NRG3: variants seen among roughly 807,000 people sequenced by gnomAD.
NRG3 encodes the protein pro-neuregulin-3, membrane-bound isoform.
Under a neutral mutation model 66.9 loss-of-function variants are expected in NRG3, and 31 were observed. The observed-to-expected ratio is 0.46, with a 90% CI of 0.35 to 0.63. NRG3 has a LOEUF of 0.63. Ranked by LOEUF, NRG3 falls within the 20% of genes least tolerant of loss-of-function variation. The probability of loss-of-function intolerance (pLI) is 0.00; values close to 1 mark genes in which losing one functional copy is unlikely to be tolerated. For synonymous variants in NRG3, 393 were observed against 359.4 expected, an observed-to-expected ratio of 1.09 and a Z score of -1.06; for missense variants, 910 against 878.9, an observed-to-expected ratio of 1.04 and a Z score of -0.45.
intron 2 of NRG3, among the ~76,000 whole-genome samples, chr10:82,640,684 ATATAAT>A (rs1159088408): frequency 5.3e-5 from 8 of 152,206 alleles, no homozygotes; most frequent in Non-Finnish European, 1.0e-4. Context: ...AAAGTGCTAA[ATATAAT>A]TATTATTAAA....
chr10:82,843,757 T>A (rs4933273), intron 3 of NRG3, among the ~76,000 whole-genome samples: 1 of 152,100 alleles, frequency 6.6e-6, no homozygotes, highest in African/African-American at 2.4e-5. Flanking sequence ...TTTAAAAAAA[T>A]TGGAAAACAT....
intron 3 of NRG3, among the ~76,000 whole-genome samples, chr10:82,838,454 A>G (rs2062887994): frequency 6.6e-6 from 1 of 152,168 alleles, no homozygotes; most frequent in African/African-American, 2.4e-5. Flanking sequence ...TTTCACATAG[A>G]GAAGTTTAAT....
intron 1 of NRG3, among the ~76,000 whole-genome samples, chr10:82,050,137 T>G (rs956426010): frequency 2.0e-5 from 3 of 150,162 alleles, no homozygotes; most frequent in Admixed American, 6.7e-5. Flanking sequence ...AACTGCACTT[T>G]GTGTTCAAGG....
intron 2 of NRG3, among the ~76,000 whole-genome samples, chr10:82,473,611 T>C (rs1841478206): frequency 6.6e-6 from 1 of 152,302 alleles, no homozygotes; most frequent in Middle Eastern, 3.4e-3. Flanking sequence ...GGGAGCTTTG[T>C]GGCATTTTCA....
At chr10:82,928,006 T>C (rs571150663) in intron 4 of NRG3, among the ~76,000 whole-genome samples, 1 of 152,326 alleles carries the variant, frequency 6.6e-6, no homozygotes, top group African/African-American at 2.4e-5. Context: ...CCAGCATCTG[T>C]TGTTTCCTAA....
intron 2 of NRG3, among the ~76,000 whole-genome samples, chr10:82,470,995 C>T (rs912953344): frequency 2.0e-5 from 3 of 152,122 alleles, no homozygotes; most frequent in African/African-American, 2.4e-5. Context: ...TTGATGGTCC[C>T]TGCACCTCTC....
intron 3 of NRG3, among the ~76,000 whole-genome samples, chr10:82,751,305 C>T (rs1420325656): frequency 1.3e-5 from 2 of 152,184 alleles, no homozygotes; most frequent in Non-Finnish European, 2.9e-5. Context: ...TAGATTCCCA[C>T]TGTGCTTTAA....
chr10:82,042,189 A>G (rs1391569850), intron 1 of NRG3, among the ~76,000 whole-genome samples: 1 of 152,168 alleles, frequency 6.6e-6, no homozygotes, highest in East Asian at 1.9e-4. Flanking sequence ...AGAGAACAGA[A>G]TTTTTTTAAA....
chr10:81,983,344 A>G (rs992933903), intron 1 of NRG3, among the ~76,000 whole-genome samples: 4 of 152,222 alleles, frequency 2.6e-5, no homozygotes, highest in East Asian at 1.9e-4. Flanking sequence ...GCCTTACGCA[A>G]TGGTGTTCAC....
intron 5 of NRG3, 37 bp from the exon 6 acceptor site, chr10:82,958,912 C>A: frequency 6.6e-7 from 1 of 1,506,734 alleles, no homozygotes; most frequent in South Asian, 1.4e-5. Context: ...TGAATAAAGT[C>A]ATGCAAATAT....
At chr10:82,526,969 A>G (rs1846762391) in intron 2 of NRG3, among the ~76,000 whole-genome samples, 1 of 152,106 alleles carries the variant, frequency 6.6e-6, no homozygotes. Context: ...GATAATATCT[A>G]TTGATAGTAT....
chr10:82,459,468 C>T (rs763540883), intron 2 of NRG3, among the ~76,000 whole-genome samples: 16 of 152,194 alleles, frequency 1.1e-4, no homozygotes, highest in African/African-American at 3.4e-4. Context: ...AATATTATTT[C>T]AGACAAGGAG....
chr10:82,745,319 T>C lies in NRG3; in HGVS notation c.1027+6669T>C, dbSNP rs545691189. On this transcript the variant is annotated intron_variant, in intron 3 of 8. Coordinates refer to ENST00000372141, the MANE Select transcript of NRG3 (RefSeq NM_001010848.4). ...TTGCAACTTGGTCCTGGGAAGGACA[T>C]TTCCATGAATAAATTAGATAGAGGA... Among the ~76,000 whole-genome samples, 8 of 152,290 alleles carry C rather than the reference T, an allele frequency of 5.3e-5. No individual in the cohort carries two copies. The East Asian group carries it at 1.5e-3, about 29-fold the overall frequency.
intron 1 of NRG3, among the ~76,000 whole-genome samples, chr10:81,968,415 C>T (rs2059808561): frequency 6.6e-6 from 1 of 152,186 alleles, no homozygotes; most frequent in South Asian, 2.1e-4. Flanking sequence ...GTGTATTACA[C>T]TACTTGCCAC....
chr10:82,826,651 T>G (rs2062224166), intron 3 of NRG3, among the ~76,000 whole-genome samples: 1 of 152,084 alleles, frequency 6.6e-6, no homozygotes, highest in African/African-American at 2.4e-5. Context: ...AGCAAAATAA[T>G]GCAGGAAGAG....
intron 1 of NRG3, among the ~76,000 whole-genome samples, chr10:82,095,849 C>G (rs1215526385): frequency 6.6e-6 from 1 of 152,168 alleles, no homozygotes; most frequent in Non-Finnish European, 1.5e-5. Flanking sequence ...CCAAGGTATG[C>G]CAGCCATGAA....
chr10:82,432,540 G>A (rs1317130407), intron 2 of NRG3, among the ~76,000 whole-genome samples: 1 of 149,992 alleles, frequency 6.7e-6, no homozygotes, highest in Non-Finnish European at 1.5e-5. Flanking sequence ...GATCGTGCAG[G>A]TTTGTTACAT....
intron 1 of NRG3, among the ~76,000 whole-genome samples, chr10:81,925,839 C>T (rs913433211): frequency 1.3e-5 from 2 of 151,866 alleles, no homozygotes; most frequent in African/African-American, 4.8e-5. Flanking sequence ...GATTTCCTGC[C>T]AGGGAGCTTT....
At chr10:82,867,105 T>G in intron 4 of NRG3, among the ~76,000 whole-genome samples, 1 of 152,184 alleles carries the variant, frequency 6.6e-6, no homozygotes, top group East Asian at 1.9e-4. Context: ...GAGCCCACGT[T>G]ATTATAATGG....
Sources: allele counts gnomAD v4.1 joint callset (sites outside exome capture counted in the v4.1 genomes callset), GRCh38; gene constraint gnomAD v4.1.1; transcripts MANE v1.5; gene names NCBI Gene and HGNC (gene_info 2026-07-23, HGNC 2026-07-21).